HMMR: variants seen among roughly 807,000 people sequenced by gnomAD.
HMMR encodes hyaluronan mediated motility receptor.
A neutral mutation model predicts 101.0 loss-of-function variants in HMMR; 108 were observed. The observed-to-expected ratio is 1.07, with a 90% CI of 0.92 to 1.25. The LOEUF is 1.25. Ranked by LOEUF, HMMR falls within the 50% of genes most tolerant of loss-of-function variation. HMMR has a pLI of 0.00. For synonymous variants in HMMR, 296 were observed against 276.4 expected (o/e 1.07, Z -0.70); for missense variants, 813 against 788.7 (o/e 1.03, Z -0.37).
At chr5:163,487,416 G>A (rs1428782458) in intron 16 of HMMR, among the ~76,000 whole-genome samples, 1 of 151,768 alleles carries the variant, frequency 6.6e-6, no homozygotes, top group Non-Finnish European at 1.5e-5. Context: ...TCTCATTTTG[G>A]TATCAGGGTA....
intron 3 of HMMR, 127 bp from the exon 4 acceptor site, chr5:163,467,574 G>C: frequency 3.6e-6 from 2 of 559,250 alleles, no homozygotes; most frequent in Non-Finnish European, 6.6e-6. Context: ...ATGTTTAACA[G>C]TGTAATGTTT....
Position 163,460,660 on chromosome 5 carries a change from A to G in HMMR, c.-33A>G. 2 of 1,589,306 alleles carry G rather than the reference A, an allele frequency of 1.3e-6. No homozygotes were observed. The highest frequency in any genetic ancestry group is 1.7e-6 in the Non-Finnish European group (2 of 1,165,470). ...CCGCATTCAGTTGTCGAGGAGTGCCAGTCACCTTCAGTTTCTGGAGCTGGC... is the reference window on the plus strand; with the variant it reads ...CCGCATTCAGTTGTCGAGGAGTGCCGGTCACCTTCAGTTTCTGGAGCTGGC... On this transcript the variant is annotated 5_prime_UTR_variant, in exon 1 of 18. Transcript: ENST00000393915.
chr5:163,482,903 A>G, intron 13 of HMMR, 115 bp downstream of exon 13: 1 of 1,315,732 alleles, frequency 7.6e-7, no homozygotes, highest in Non-Finnish European at 1.1e-6. Context: ...TTAAGAATTT[A>G]CTCAGTTAAA....
chr5:163,471,614 G>T (rs996958984), intron 7 of HMMR, 151 bp downstream of exon 7: 2 of 590,278 alleles, frequency 3.4e-6, no homozygotes, highest in Non-Finnish European at 6.0e-6. Context: ...TTTTAAACTA[G>T]AATGAGCCCT....
intron 12 of HMMR, 104 bp downstream of exon 12, chr5:163,478,904 A>G: frequency 1.5e-6 from 1 of 650,402 alleles, no homozygotes; most frequent in Non-Finnish European, 2.8e-6. Context: ...GATGATTCAT[A>G]CTAGTTTAAA....
At chr5:163,466,722 CAT>C (rs1758719054) in intron 3 of HMMR, among the ~76,000 whole-genome samples, 1 of 152,034 alleles carries the variant, frequency 6.6e-6, no homozygotes, top group African/African-American at 2.4e-5. Flanking sequence ...TAAAACATCT[CAT>C]TGATAATTTT....
chr5:163,483,286 T>C lies in HMMR; in HGVS notation c.1704T>C (p.Asn568=). ...DEEGRKAEKE[N]TTAELTEEIN... is the part of the protein sequence containing the mutation. ...CATGCAGAAAAGCTGAAAAAGAAAA[T>C]ACAACAGCAGAATTAACTGAAGAAA... The change falls in exon 15 of 18, where the codon AAT becomes AAC. Residue 568 remains asparagine (N), a synonymous_variant. Coordinates refer to ENST00000393915, the MANE Select transcript of HMMR (RefSeq NM_001142556.2). The C allele has an allele frequency of 1.2e-6, 2 of 1,609,294 alleles. No individual in the cohort carries two copies. Among genetic ancestry groups the C allele is most frequent in the Non-Finnish European group, 1.7e-6 (2 of 1,176,362 alleles).
intron 4 of HMMR, among the ~76,000 whole-genome samples, chr5:163,468,110 C>G (rs960465902): frequency 6.6e-6 from 1 of 152,218 alleles, no homozygotes; most frequent in Non-Finnish European, 1.5e-5. Flanking sequence ...TAGAGGATTT[C>G]TTAGTGAGCA....
intron 16 of HMMR, 44 bp downstream of exon 16, chr5:163,484,289 G>A (rs1759390204): frequency 9.8e-7 from 1 of 1,016,018 alleles, no homozygotes; most frequent in African/African-American, 1.6e-5. Context: ...ATTGGAGTGG[G>A]GGTTATTCTA....
intron 7 of HMMR, among the ~76,000 whole-genome samples, chr5:163,472,148 G>A (rs1217087250): frequency 6.6e-6 from 1 of 151,710 alleles, no homozygotes; most frequent in Non-Finnish European, 1.5e-5. Flanking sequence ...CAGAGTGCTG[G>A]AGTTATAGAC....
chr5:163,482,954 A>C, intron 13 of HMMR, 66 bp from the exon 14 acceptor site: 1 of 1,466,682 alleles, frequency 6.8e-7, no homozygotes. Flanking sequence ...TTTAAAGAAA[A>C]AAAAAGGAAA....
In HMMR at chr5:163,473,420, C is replaced by G; in HGVS notation, c.767C>G (p.Ala256Gly). ...GTGGAAAAATACAAGCTAGATATTG[C>G]CCAGTTAGAAGAAAATTTGAAAGAG... Reference protein sequence around the residue: ...DQVEKYKLDIAQLEENLKEKN... With the variant: ...DQVEKYKLDIGQLEENLKEKN... The change falls in exon 9 of 18, where the codon GCC becomes GGC. Residue 256 changes from alanine (A) to glycine (G), a missense_variant. By Grantham distance (60) the Ala-to-Gly change is moderately conservative. Coordinates refer to ENST00000393915, the MANE Select transcript of HMMR (RefSeq NM_001142556.2). 4 of 1,610,394 alleles carry G rather than the reference C, an allele frequency of 2.5e-6. No homozygotes were observed. The highest frequency in any genetic ancestry group is 3.4e-6 in the Non-Finnish European group (4 of 1,178,048).
At chr5:163,482,968 T>C in intron 13 of HMMR, 52 bp from the exon 14 acceptor site, 1 of 1,495,744 alleles carries the variant, frequency 6.7e-7, no homozygotes, top group Non-Finnish European at 9.0e-7. Context: ...AAGGAAAAAT[T>C]AATGAAAGTG....
chr5:163,468,408 C>CTAA (rs1758767679), intron 4 of HMMR, among the ~76,000 whole-genome samples: 3 of 152,184 alleles, frequency 2.0e-5, no homozygotes, highest in Admixed American at 2.0e-4. Context: ...CCTAAAGAAC[C>CTAA]CATTTACTTT....
At chr5:163,487,041 G>C (rs979452742) in intron 16 of HMMR, among the ~76,000 whole-genome samples, 4 of 152,178 alleles carry the variant, frequency 2.6e-5, no homozygotes, top group Admixed American at 1.3e-4. Flanking sequence ...TTGAGCCTGG[G>C]AGACAACAGC....
intron 7 of HMMR, 42 bp downstream of exon 7, chr5:163,471,505 A>G (rs1313038163): frequency 7.5e-7 from 1 of 1,332,256 alleles, no homozygotes; most frequent in Non-Finnish European, 1.1e-6. Context: ...AGTGGAAGCA[A>G]TTCTTGATTT....
At chr5:163,476,058 A>G (rs1358700952) in intron 11 of HMMR, among the ~76,000 whole-genome samples, 2 of 152,184 alleles carry the variant, frequency 1.3e-5, no homozygotes, top group Admixed American at 6.5e-5. Context: ...GATGCCTGCA[A>G]TTCCCATACT....
At chr5:163,482,979 G>C (rs550939661) in intron 13 of HMMR, 41 bp from the exon 14 acceptor site, 1 of 1,522,690 alleles carries the variant, frequency 6.6e-7, no homozygotes, top group South Asian at 1.3e-5. Context: ...AATGAAAGTG[G>C]CTATAAAATG....
intron 17 of HMMR, 68 bp downstream of exon 17, chr5:163,490,620 TCATCCA>T: frequency 8.4e-7 from 1 of 1,196,638 alleles, no homozygotes; most frequent in South Asian, 1.4e-5. Context: ...ATTTAGCAAG[TCATCCA>T]TTTTATGAAC....
Sources: gnomAD v4.1 joint callset for allele counts (sites outside exome capture counted in the v4.1 genomes callset) on GRCh38, gnomAD v4.1.1 for gene constraint, MANE v1.5 for transcripts, NCBI Gene and HGNC (gene_info 2026-07-23, HGNC 2026-07-21) for gene names.